The following RNF32 variants were observed in gnomAD, a reference collection of about 807,000 sequenced individuals.
The protein encoded by RNF32 is ring finger protein 32.
Under a neutral mutation model 41.0 loss-of-function variants are expected in RNF32, and 36 were observed. That is an observed-to-expected ratio of 0.88 (90% confidence interval 0.67 to 1.16). The LOEUF (loss-of-function observed/expected upper bound fraction) is 1.16. RNF32 is among the 50% of genes most tolerant of loss of function. The probability of loss-of-function intolerance (pLI) is 0.00; values close to 1 mark genes in which losing one functional copy is unlikely to be tolerated. For missense variants in RNF32, 413 were observed against 436.7 expected (o/e 0.95, Z 0.48); for synonymous variants, 154 against 160.9 (o/e 0.96, Z 0.32).
At chr7:156,672,017 C>T (rs1283624443) in intron 7 of RNF32, among the ~76,000 whole-genome samples, 2 of 151,948 alleles carry the variant, frequency 1.3e-5, no homozygotes, top group Non-Finnish European at 2.9e-5. Flanking sequence ...GGAATATTTG[C>T]GTCTGCCATG....
intron 3 of RNF32, chr7:156,646,374 T>C (rs922366757): frequency 3.1e-6 from 4 of 1,279,410 alleles, no homozygotes; most frequent in Admixed American, 2.3e-5. Context: ...TGTGGCAGCG[T>C]CACTCCAATC....
intron 8 of RNF32, 114 bp from the exon 9 acceptor site, chr7:156,676,305 C>G (rs1035264912): frequency 3.1e-6 from 5 of 1,606,628 alleles, no homozygotes; most frequent in Non-Finnish European, 4.2e-6. Context: ...AATGAAACTT[C>G]CGCATGTTTC....
In RNF32 at chr7:156,659,547, C is replaced by T. The variant is rs139798216; in HGVS notation, c.684+977C>T. The T allele has an allele frequency of 5.0e-5, 49 of 984,128 alleles. No homozygotes were observed. In the African/African-American group the frequency reaches 7.5e-4, roughly 15 times the overall value. 61.0% of individuals were successfully genotyped at this position (984,128 alleles called of 1,614,324 possible). On this transcript the variant is annotated intron_variant, in intron 7 of 8. Transcript: ENST00000317955. Reference sequence around the variant, plus strand: ...TTTCTAATATGTCATAGTAGGTTGTCTCTTAAATCAGAAGTGATTTTTTGT... The same window carrying T: ...TTTCTAATATGTCATAGTAGGTTGTTTCTTAAATCAGAAGTGATTTTTTGT...
intron 3 of RNF32, among the ~76,000 whole-genome samples, chr7:156,651,596 G>C (rs1798750772): frequency 6.6e-6 from 1 of 152,196 alleles, no homozygotes; most frequent in South Asian, 2.1e-4. Context: ...TACTGCAGAA[G>C]ATCGAGATTT....
intron 7 of RNF32, among the ~76,000 whole-genome samples, chr7:156,673,906 T>TAAAAAAAAAA (rs3030984): frequency 9.9e-6 from 1 of 100,816 alleles, no homozygotes; most frequent in Non-Finnish European, 2.1e-5. Context: ...TCCACATTAA[T>TAAAAAAAAAA]AAAAAAAAAA....
At position 156,658,510 on chromosome 7, in the gene RNF32, C is replaced by T. The variant is rs775744091; in HGVS notation, c.624C>T (p.Asn208=). Residue 208 remains asparagine, a synonymous_variant, in exon 7 of 9, where the codon AAC becomes AAT. Transcript: ENST00000317955. ...GTGTTGTTAGAAAGTGGTACAGAAACCTGAGGAAAACAGTACCTCCCACAG... is the reference window on the plus strand; with the variant it reads ...GTGTTGTTAGAAAGTGGTACAGAAATCTGAGGAAAACAGTACCTCCCACAG... The part of the protein sequence containing the change: ...RGCVVRKWYR[N]LRKTVPPTDA... 2.8e-5 allele frequency: 45 copies of T among 1,613,760 alleles called. No individual in the cohort carries two copies. In the South Asian group the frequency reaches 4.9e-4, roughly 18 times the overall value.
At chr7:156,643,324 T>C (rs1797601991) in intron 1 of RNF32, among the ~76,000 whole-genome samples, 1 of 152,220 alleles carries the variant, frequency 6.6e-6, no homozygotes. Flanking sequence ...CCAGTGTTCC[T>C]CTTGCGTTCC....
Position 156,676,504 on chromosome 7 carries a change from G to A in RNF32, c.938G>A (p.Arg313His), listed in dbSNP as rs770700325. The A allele has an allele frequency of 1.6e-5, 26 of 1,613,904 alleles. No homozygotes were observed. The highest frequency in any genetic ancestry group is 1.3e-4 in the Admixed American group (8 of 60,006). The change falls in exon 9 of 9, where the codon CGT becomes CAT. Residue 313 changes from arginine (R) to histidine (H), a missense_variant. Transcript: ENST00000317955. ...AGGQRVGAGR[R>H]SREMALLSCS... ...GGTCAGCGCGTGGGTGCAGGCAGGC[G>A]TTCCAGAGAGATGGCCCTCCTGTCC...
intron 1 of RNF32, among the ~76,000 whole-genome samples, chr7:156,641,706 G>A (rs1797346283): frequency 1.3e-5 from 2 of 152,226 alleles, no homozygotes; most frequent in Admixed American, 6.5e-5. Context: ...CTGCAGCTAT[G>A]ACCGGACCAT....
intron 7 of RNF32, among the ~76,000 whole-genome samples, chr7:156,672,073 T>G (rs898884131): frequency 3.9e-5 from 6 of 152,164 alleles, no homozygotes; most frequent in Admixed American, 6.5e-5. Context: ...TGGAATTAGT[T>G]TGTGATTCTT....
rs1190572801 is a variant in RNF32 at position 156,646,504 on chromosome 7, T to G, written c.274+1747T>G. 2.3e-6 allele frequency: 3 copies of G among 1,297,180 alleles called. No individual in the cohort carries two copies. The Admixed American group carries it at 6.9e-5, about 30-fold the overall frequency. 80.4% of individuals were successfully genotyped at this position (1,297,180 alleles called of 1,614,324 possible). On this transcript the variant is annotated intron_variant, in intron 3 of 8. Transcript: ENST00000317955. ...AACTTTAAACCAGTATGACCTCATCTTAACTACATCTGCAAAGACCCTATT... is the reference window on the plus strand; with the variant it reads ...AACTTTAAACCAGTATGACCTCATCGTAACTACATCTGCAAAGACCCTATT...
chr7:156,675,964 G>T, intron 8 of RNF32, 101 bp downstream of exon 8: 1 of 1,226,250 alleles, frequency 8.2e-7, no homozygotes, highest in Admixed American at 1.9e-5. Context: ...ACTTTGGGGA[G>T]CCTAGGAGTG....
In RNF32 at chr7:156,648,031, T is replaced by TG. The variant is rs954313796; in HGVS notation, c.274+3274_274+3275insG. On this transcript the variant is annotated intron_variant, in intron 3 of 8. Transcript: ENST00000317955. ...CCCTCTTTTTGATGGGATTATTTGT[T>TG]TTTTTTTTTTCTTGCTGATTTGTTT... 6.6e-5 allele frequency among the ~76,000 whole-genome samples: 10 copies of TG among 151,132 alleles called. No homozygotes were observed. In the East Asian group the frequency reaches 1.4e-3, roughly 20 times the overall value.
intron 7 of RNF32, 75 bp downstream of exon 7, chr7:156,658,645 G>C: frequency 1.0e-6 from 1 of 979,416 alleles, no homozygotes; most frequent in African/African-American, 1.6e-5. Flanking sequence ...AAGGCTAACA[G>C]AGGTGGTAAA....
At chr7:156,640,206 G>A (rs761778048), upstream of RNF32, 3 of 453,598 alleles carry the variant, frequency 6.6e-6, no homozygotes, top group Middle Eastern at 3.3e-4. Flanking sequence ...TGAGCGGCGC[G>A]GGGGGATCGG....
intron 3 of RNF32, chr7:156,654,316 G>A: frequency 3.1e-6 from 1 of 324,772 alleles, no homozygotes; most frequent in Non-Finnish European, 5.6e-6. Context: ...TGGTAATCGA[G>A]ATGACTGGCA....
At chr7:156,658,657 C>A (rs1800120882) in intron 7 of RNF32, 87 bp downstream of exon 7, 2 of 886,326 alleles carry the variant, frequency 2.3e-6, no homozygotes, top group Non-Finnish European at 3.6e-6. Flanking sequence ...GGTGGTAAAA[C>A]TTTGAGACTT....
At chr7:156,666,970 C>T (rs943699515) in intron 7 of RNF32, among the ~76,000 whole-genome samples, 5 of 152,140 alleles carry the variant, frequency 3.3e-5, no homozygotes, top group Non-Finnish European at 5.9e-5. Context: ...GATGCTGGGG[C>T]GGCTTTAGGG....
chr7:156,640,581 C>T, upstream of RNF32: 1 of 407,302 alleles, frequency 2.5e-6, no homozygotes, highest in Non-Finnish European at 4.8e-6. Context: ...GGCCGGCGAG[C>T]ATGCGCAGTG....
Sources: gnomAD v4.1 joint callset for allele counts (sites outside exome capture counted in the v4.1 genomes callset) on GRCh38, gnomAD v4.1.1 for gene constraint, MANE v1.5 for transcripts, NCBI Gene and HGNC (gene_info 2026-07-23, HGNC 2026-07-21) for gene names.